DYNC2LI1: variants seen among roughly 807,000 people sequenced by gnomAD.
DYNC2LI1 encodes dynein cytoplasmic 2 light intermediate chain 1.
A neutral mutation model predicts 51.9 loss-of-function variants in DYNC2LI1; 45 were observed. The observed-to-expected ratio is 0.87, with a 90% confidence interval of 0.68 to 1.11. The LOEUF (loss-of-function observed/expected upper bound fraction) is 1.11, where lower values mean the gene tolerates loss of function less well. Among genes scored for constraint, DYNC2LI1 ranks in the 50% most tolerant of loss-of-function variants. The pLI is 0.00. For missense variants in DYNC2LI1, 490 were observed against 417.4 expected, an observed-to-expected ratio of 1.17 and a Z score of -1.51; for synonymous variants, 130 against 137.8, an observed-to-expected ratio of 0.94 and a Z score of 0.40.
At chr2:43,810,621 A>G (rs1280582388), downstream of DYNC2LI1, 11 of 658,414 alleles carry the variant, frequency 1.7e-5, no homozygotes, top group Admixed American at 6.3e-5. Context: ...AAGCACATTT[A>G]CTACCCCAAG....
At chr2:43,789,860 C>T (rs1265686037) in intron 5 of DYNC2LI1, 139 bp downstream of exon 5, 2 of 632,660 alleles carry the variant, frequency 3.2e-6, no homozygotes, top group East Asian at 2.9e-5. Context: ...TTTCTAAATG[C>T]CTAACCTGTA....
At chr2:43,797,508 A>G (rs899817400) in intron 8 of DYNC2LI1, among the ~76,000 whole-genome samples, 1 of 149,880 alleles carries the variant, frequency 6.7e-6, no homozygotes, top group Non-Finnish European at 1.5e-5. Context: ...GCAATAAAAT[A>G]TAACAACTTT....
At chr2:43,824,084 C>T in the DYNC2LI1 span, 12 of 1,614,222 alleles carry the variant, frequency 7.4e-6, no homozygotes, top group Non-Finnish European at 6.8e-6. Context: ...GTAATCACTG[C>T]CAGCTTATTT....
rs529371296 is a variant in DYNC2LI1 at position 43,806,063 on chromosome 2, T to C, written c.993+817T>C. Among the ~76,000 whole-genome samples the C allele has an allele frequency of 2.6e-5, 4 of 152,138 alleles. No individual in the cohort carries two copies. In the South Asian group the frequency reaches 8.3e-4, roughly 32 times the overall value. On this transcript the variant is annotated intron_variant, in intron 12 of 12. Coordinates refer to ENST00000260605, the MANE Select transcript of DYNC2LI1 (RefSeq NM_016008.4). ...ACCTGGCTAATTTTTTTTGCTTTTT[T>C]AGTAGAAACGGGGTTTCACCATCTT...
intron 4 of DYNC2LI1, among the ~76,000 whole-genome samples, chr2:43,788,551 G>T (rs1673628756): frequency 1.3e-5 from 2 of 152,156 alleles, no homozygotes; most frequent in Non-Finnish European, 2.9e-5. Flanking sequence ...TCAGTGTCAG[G>T]ACAGAAGCAG....
the DYNC2LI1 span, chr2:43,822,826 G>A: frequency 1.9e-6 from 3 of 1,614,022 alleles, no homozygotes; most frequent in South Asian, 1.1e-5. Context: ...AAATCATGGT[G>A]GCAACAACGC....
the DYNC2LI1 span, chr2:43,823,024 G>A: frequency 6.4e-7 from 1 of 1,556,090 alleles, no homozygotes; most frequent in Non-Finnish European, 8.7e-7. Context: ...AGGTCTGTCA[G>A]GGCTGGATGG....
the DYNC2LI1 span, chr2:43,824,983 C>A: frequency 6.2e-7 from 1 of 1,613,970 alleles, no homozygotes; most frequent in African/African-American, 1.3e-5. Flanking sequence ...AGAAAATCAG[C>A]TCTCCGAAGC....
At chr2:43,809,386 T>C (rs1024575186) in intron 12 of DYNC2LI1, among the ~76,000 whole-genome samples, 3 of 152,230 alleles carry the variant, frequency 2.0e-5, no homozygotes, top group Non-Finnish European at 4.4e-5. Flanking sequence ...TTTTGAATAC[T>C]TGAAGGATGA....
At chr2:43,785,396 C>T (rs567627708) in intron 3 of DYNC2LI1, among the ~76,000 whole-genome samples, 1 of 151,824 alleles carries the variant, frequency 6.6e-6, no homozygotes, top group South Asian at 2.1e-4. Flanking sequence ...CATGGATGAA[C>T]CTTGAGGCAT....
intron 4 of DYNC2LI1, among the ~76,000 whole-genome samples, chr2:43,789,032 T>G (rs927538031): frequency 2.0e-5 from 3 of 152,228 alleles, no homozygotes; most frequent in Non-Finnish European, 1.5e-5. Flanking sequence ...GTTTGAACTC[T>G]TGTTCCCCCA....
the DYNC2LI1 span, among the ~76,000 whole-genome samples, chr2:43,823,697 C>T: frequency 2.0e-5 from 3 of 152,300 alleles, no homozygotes; most frequent in Non-Finnish European, 4.4e-5. Context: ...TCATGTTTCC[C>T]TGGATCCTTA....
intron 2 of DYNC2LI1, among the ~76,000 whole-genome samples, chr2:43,777,280 CAAT>C (rs1202142312): frequency 6.6e-6 from 1 of 152,084 alleles, no homozygotes; most frequent in African/African-American, 2.4e-5. Context: ...TGAACTGTGT[CAAT>C]GATATTTGTT....
At chr2:43,805,566 G>A (rs1364683892) in intron 12 of DYNC2LI1, 4 of 164,996 alleles carry the variant, frequency 2.4e-5, no homozygotes, top group Admixed American at 1.3e-4. Flanking sequence ...CCTTGCTGCT[G>A]GAGAGACATT....
At chr2:43,826,351 A>T in the DYNC2LI1 span, 1 of 1,613,338 alleles carries the variant, frequency 6.2e-7, no homozygotes, top group Non-Finnish European at 8.5e-7. Flanking sequence ...AACACACCAT[A>T]GACCCGGCCT....
At chr2:43,813,201 A>C (rs762110858), downstream of DYNC2LI1, 3 of 1,604,870 alleles carry the variant, frequency 1.9e-6, no homozygotes, top group Admixed American at 3.3e-5. Context: ...CAAAATCAGA[A>C]AGTTCATTGT....
chr2:43,793,059 T>A (rs909996512), intron 5 of DYNC2LI1: 9 of 280,972 alleles, frequency 3.2e-5, no homozygotes, highest in Middle Eastern at 1.0e-3. Context: ...TATGGTGAAT[T>A]TTTTGAGGAA....
intron 2 of DYNC2LI1, among the ~76,000 whole-genome samples, chr2:43,778,430 A>G (rs1673121674): frequency 6.6e-6 from 1 of 152,212 alleles, no homozygotes; most frequent in African/African-American, 2.4e-5. Context: ...CTGGGATTAC[A>G]GGCATGAGTC....
At chr2:43,820,614 A>AT in the DYNC2LI1 span, among the ~76,000 whole-genome samples, 1 of 151,796 alleles carries the variant, frequency 6.6e-6, no homozygotes, top group South Asian at 2.1e-4. Context: ...ACTCCATTCC[A>AT]TTCTTGTCTT....
Sources: allele counts gnomAD v4.1 joint callset (sites outside exome capture counted in the v4.1 genomes callset), GRCh38; gene constraint gnomAD v4.1.1; transcripts MANE v1.5; gene names NCBI Gene and HGNC (gene_info 2026-07-23, HGNC 2026-07-21).